OSBPL10: variants seen among roughly 807,000 people sequenced by gnomAD.
The protein encoded by OSBPL10 is oxysterol binding protein like 10.
OSBPL10 carries 49 observed loss-of-function variants against 81.7 expected under a neutral mutation model. The observed-to-expected ratio is 0.60, with a 90% CI of 0.48 to 0.76. The LOEUF (loss-of-function observed/expected upper bound fraction) is 0.76, where lower values mean the gene tolerates loss of function less well. OSBPL10 is among the 30% of genes least tolerant of loss of function. The pLI is 0.00. For missense variants in OSBPL10, 923 were observed against 987.8 expected (o/e 0.93, Z 0.88); for synonymous variants, 419 against 383.6 (o/e 1.09, Z -1.08).
chr3:32,023,572 C>T (rs1699376659), intron 2 of OSBPL10, among the ~76,000 whole-genome samples: 1 of 152,142 alleles, frequency 6.6e-6, no homozygotes, highest in South Asian at 2.1e-4. Flanking sequence ...ATGCTTGGGC[C>T]ACCCACAAGC....
intron 1 of OSBPL10, among the ~76,000 whole-genome samples, chr3:31,929,813 G>A (rs1049133531): frequency 6.6e-6 from 1 of 150,672 alleles, no homozygotes; most frequent in Non-Finnish European, 1.5e-5. Flanking sequence ...CCCAATAACC[G>A]AACAGATACA....
At chr3:31,925,072 G>C (rs1023181744) in intron 1 of OSBPL10, among the ~76,000 whole-genome samples, 2 of 152,142 alleles carry the variant, frequency 1.3e-5, no homozygotes, top group Non-Finnish European at 2.9e-5. Context: ...GCACCTGGCT[G>C]TCACCAAAAA....
At chr3:31,994,514 A>T (rs902721288) in intron 2 of OSBPL10, among the ~76,000 whole-genome samples, 1 of 152,068 alleles carries the variant, frequency 6.6e-6, no homozygotes, top group Admixed American at 6.6e-5. Flanking sequence ...GGATGGATGG[A>T]TGGATGGATG....
At chr3:31,826,117 T>G (rs1424477139) in intron 4 of OSBPL10, among the ~76,000 whole-genome samples, 1 of 152,206 alleles carries the variant, frequency 6.6e-6, no homozygotes, top group Non-Finnish European at 1.5e-5. Flanking sequence ...GTTCCATAAA[T>G]TGTTTCCTCA....
chr3:31,987,133 CAT>C (rs1214239791), intron 2 of OSBPL10, among the ~76,000 whole-genome samples: 1 of 144,928 alleles, frequency 6.9e-6, no homozygotes, highest in Admixed American at 6.9e-5. Context: ...CACACACACA[CAT>C]ATATATACAT....
At chr3:31,863,957 A>C (rs1701116034) in intron 3 of OSBPL10, among the ~76,000 whole-genome samples, 1 of 152,218 alleles carries the variant, frequency 6.6e-6, no homozygotes, top group Non-Finnish European at 1.5e-5. Flanking sequence ...TAACAGGTAA[A>C]GGAGAAGAAG....
At chr3:31,790,459 T>C (rs544709789) in intron 4 of OSBPL10, among the ~76,000 whole-genome samples, 99 of 152,320 alleles carry the variant, frequency 6.5e-4, no homozygotes, top group African/African-American at 2.3e-3. Context: ...TAAGACCTGA[T>C]TTACATTTCA....
intron 3 of OSBPL10, among the ~76,000 whole-genome samples, chr3:31,861,739 A>G (rs148409148): frequency 3.9e-4 from 60 of 152,276 alleles, no homozygotes; most frequent in African/African-American, 1.4e-3. Flanking sequence ...TTTTATCTCA[A>G]CATGTGTCAG....
At chr3:31,783,146 T>TATATATACACAC (rs1485968747) in intron 4 of OSBPL10, among the ~76,000 whole-genome samples, 41 of 112,986 alleles carry the variant, frequency 3.6e-4, no homozygotes, top group South Asian at 5.6e-4. Context: ...TATATATATA[T>TATATATACACAC]ACACACACAC....
intron 6 of OSBPL10, among the ~76,000 whole-genome samples, chr3:31,731,767 G>A (rs1408451554): frequency 3.3e-5 from 5 of 152,186 alleles, no homozygotes; most frequent in African/African-American, 9.7e-5. Context: ...GATTACAGGC[G>A]TGAGCCACTG....
intron 7 of OSBPL10, among the ~76,000 whole-genome samples, chr3:31,688,809 G>C (rs1700865797): frequency 6.6e-6 from 1 of 152,168 alleles, no homozygotes; most frequent in Non-Finnish European, 1.5e-5. Context: ...AACGTGTTTT[G>C]GGTGGTAAGG....
intron 1 of OSBPL10, among the ~76,000 whole-genome samples, chr3:32,058,741 T>C (rs1418071019): frequency 1.3e-5 from 2 of 152,220 alleles, no homozygotes; most frequent in South Asian, 2.1e-4. Flanking sequence ...CATCATAGCT[T>C]ACTGCAGCCT....
At chr3:31,838,338 G>A (rs1052315455) in intron 3 of OSBPL10, among the ~76,000 whole-genome samples, 24 of 151,830 alleles carry the variant, frequency 1.6e-4, no homozygotes, top group African/African-American at 5.3e-4. Flanking sequence ...GTGAAACCCC[G>A]TCTTTACTAA....
chr3:31,959,958 G>A (rs1041185891), intron 1 of OSBPL10, among the ~76,000 whole-genome samples: 2 of 152,152 alleles, frequency 1.3e-5, no homozygotes, highest in African/African-American at 2.4e-5. Context: ...GGATTGTGAC[G>A]TGGCCACTGT....
chr3:31,790,008 T>C (rs1698972053), intron 4 of OSBPL10, among the ~76,000 whole-genome samples: 1 of 152,154 alleles, frequency 6.6e-6, no homozygotes, highest in Admixed American at 6.5e-5. Context: ...CATTAATTTT[T>C]AAGAACATGA....
chr3:32,012,094 G>T (rs1699265785), intron 2 of OSBPL10, among the ~76,000 whole-genome samples: 1 of 152,116 alleles, frequency 6.6e-6, no homozygotes, highest in African/African-American at 2.4e-5. Flanking sequence ...TACAGAGAAT[G>T]CCACAAAGAT....
At chr3:31,666,917 G>A (rs1700204761) in intron 10 of OSBPL10, among the ~76,000 whole-genome samples, 1 of 152,156 alleles carries the variant, frequency 6.6e-6, no homozygotes, top group Non-Finnish European at 1.5e-5. Context: ...GATAAAGGGG[G>A]CTACTGTAGC....
At chr3:32,038,187 T>TTACCTGCTGCATACAA (rs1699537773) in intron 2 of OSBPL10, among the ~76,000 whole-genome samples, 2 of 152,082 alleles carry the variant, frequency 1.3e-5, no homozygotes, top group African/African-American at 4.8e-5. Flanking sequence ...TCAGAATGTA[T>TTACCTGCTGCATACAA]TACCTGCTGC....
intron 2 of OSBPL10, chr3:31,988,884 G>T: frequency 1.5e-6 from 1 of 661,350 alleles, no homozygotes; most frequent in East Asian, 2.7e-5. Flanking sequence ...AACCCAGAGA[G>T]ACACTGAGCC....
Sources: gnomAD v4.1 joint callset for allele counts (sites outside exome capture counted in the v4.1 genomes callset) on GRCh38, gnomAD v4.1.1 for gene constraint, MANE v1.5 for transcripts, NCBI Gene and HGNC (gene_info 2026-07-23, HGNC 2026-07-21) for gene names.